The following PRKCE variants were observed in gnomAD, a reference collection of about 807,000 sequenced individuals.
PRKCE encodes the protein protein kinase C epsilon.
Under a neutral mutation model 85.4 loss-of-function variants are expected in PRKCE, and 16 were observed. That is an observed-to-expected ratio of 0.19 (90% confidence interval 0.13 to 0.28). PRKCE has a LOEUF of 0.28. PRKCE is among the 10% of genes least tolerant of loss of function. The pLI, the probability that PRKCE is intolerant of heterozygous loss-of-function variation, is 1.00. For synonymous variants in PRKCE, 388 were observed against 371.5 expected (o/e 1.04, Z -0.51); for missense variants, 573 against 975.2 (o/e 0.59, Z 5.49).
At chr2:45,766,696 T>G (rs1202428633) in intron 1 of PRKCE, among the ~76,000 whole-genome samples, 1 of 152,202 alleles carries the variant, frequency 6.6e-6, no homozygotes, top group Non-Finnish European at 1.5e-5. Context: ...TGAATCATGC[T>G]TCATAGGTGC....
rs1266507468 is a variant in PRKCE at position 45,905,353 on chromosome 2, C to T, written c.412+62290C>T. Among the ~76,000 whole-genome samples, 1 of 152,222 alleles carries T rather than the reference C, an allele frequency of 6.6e-6. No individual in the cohort carries two copies. ...GAACCCTGAATGAGTCCATTAGATT[C>T]CACAATCAATATCCAGCTTCTAAAC... On this transcript the variant is annotated intron_variant, in intron 2 of 14. Transcript: ENST00000306156. This position sits in a 1 kb window ranked among gnomAD's most constrained non-coding sequence, Gnocchi z 4.4.
intron 1 of PRKCE, among the ~76,000 whole-genome samples, chr2:45,702,587 C>A (rs1678736973): frequency 6.6e-6 from 1 of 152,144 alleles, no homozygotes; most frequent in Non-Finnish European, 1.5e-5. Context: ...CAGTTCTGTA[C>A]CTGGTTCCAT....
At chr2:45,767,119 T>G (rs1401589917) in intron 1 of PRKCE, among the ~76,000 whole-genome samples, 3 of 152,214 alleles carry the variant, frequency 2.0e-5, no homozygotes, top group Non-Finnish European at 4.4e-5. Context: ...TCTTTGCGTT[T>G]GCTTCCCGTA....
At chr2:46,144,788 G>A (rs1054780131) in intron 11 of PRKCE, among the ~76,000 whole-genome samples, 1 of 152,206 alleles carries the variant, frequency 6.6e-6, no homozygotes, top group Admixed American at 6.5e-5. Context: ...TCATTAATAT[G>A]AATGTGGGTG....
chr2:45,843,673 G>A (rs1171178542), intron 2 of PRKCE, among the ~76,000 whole-genome samples: 1 of 152,212 alleles, frequency 6.6e-6, no homozygotes, highest in African/African-American at 2.4e-5. Flanking sequence ...AGGGTTTGCT[G>A]GGTGTTGAGG....
At chr2:46,093,343 G>A (rs1019241552) in intron 11 of PRKCE, among the ~76,000 whole-genome samples, 1 of 151,894 alleles carries the variant, frequency 6.6e-6, no homozygotes, top group Admixed American at 6.6e-5. Flanking sequence ...TGTTACTTCA[G>A]TCAAAGATAT....
chr2:45,884,069 C>G (rs1464979522), intron 2 of PRKCE, among the ~76,000 whole-genome samples: 1 of 152,212 alleles, frequency 6.6e-6, no homozygotes, highest in African/African-American at 2.4e-5. Flanking sequence ...CCCTCCCTCC[C>G]TGTTACAGTT....
intron 1 of PRKCE, among the ~76,000 whole-genome samples, chr2:45,713,141 G>A (rs1679806857): frequency 6.6e-6 from 1 of 152,110 alleles, no homozygotes; most frequent in African/African-American, 2.4e-5. Context: ...ATGATCTGTA[G>A]TCGCTGTCAC....
In PRKCE at chr2:45,846,373, G is replaced by C. The variant is rs1472398765; in HGVS notation, c.412+3310G>C. ...CGGCGCCTGACCTGGGGACTGATAG[G>C]TTCTTCTTCCCATGCCTTGCACCTA... On this transcript the variant is annotated intron_variant, in intron 2 of 14. Coordinates refer to ENST00000306156, the MANE Select transcript of PRKCE (RefSeq NM_005400.3). Among the ~76,000 whole-genome samples, 6 of 152,142 alleles carry C rather than the reference G, an allele frequency of 3.9e-5. No individual in the cohort carries two copies. The East Asian group carries it at 1.2e-3, about 29-fold the overall frequency.
At position 46,151,583 on chromosome 2, in the gene PRKCE, C is replaced by A. The variant is rs527706664; in HGVS notation, c.1920+354C>A. ...AGAAGCAACTCAACTGTGCTGACAT[C>A]ACCTCTGCCACTTCCATACCTTCCT... is the stretch of plus-strand genomic sequence containing the variant. On this transcript the variant is annotated intron_variant, in intron 13 of 14. Transcript: ENST00000306156. Among the ~76,000 whole-genome samples, 20 of 152,106 alleles carry A rather than the reference C, an allele frequency of 1.3e-4. No homozygotes were observed. In the East Asian group the frequency reaches 3.7e-3, roughly 28 times the overall value.
intron 11 of PRKCE, among the ~76,000 whole-genome samples, chr2:46,093,127 AT>A (rs1343272180): frequency 6.6e-6 from 1 of 152,188 alleles, no homozygotes; most frequent in East Asian, 1.9e-4. Flanking sequence ...AGAAAATGAT[AT>A]TTTGACATAA....
intron 13 of PRKCE, among the ~76,000 whole-genome samples, chr2:46,156,513 T>C (rs1486211130): frequency 1.3e-5 from 2 of 152,222 alleles, no homozygotes; most frequent in African/African-American, 4.8e-5. Flanking sequence ...GAGACTCATG[T>C]GTGTGCAAAG....
At chr2:46,039,231 G>A (rs1377330019) in intron 10 of PRKCE, among the ~76,000 whole-genome samples, 2 of 152,186 alleles carry the variant, frequency 1.3e-5, no homozygotes, top group Non-Finnish European at 2.9e-5. Flanking sequence ...GATTTGCTAT[G>A]CTTTTAATTA....
chr2:45,913,264 C>T (rs1037301525), intron 2 of PRKCE, among the ~76,000 whole-genome samples: 1 of 152,242 alleles, frequency 6.6e-6, no homozygotes, highest in Non-Finnish European at 1.5e-5. Context: ...CCTCCCACCT[C>T]AGCCTTCTGA....
At chr2:45,805,805 G>A (rs1028923626) in intron 1 of PRKCE, among the ~76,000 whole-genome samples, 2 of 152,072 alleles carry the variant, frequency 1.3e-5, no homozygotes, top group Admixed American at 1.3e-4. Context: ...CACCATGATG[G>A]CCAGGCTGGT....
intron 2 of PRKCE, among the ~76,000 whole-genome samples, chr2:45,866,543 G>A (rs916101261): frequency 5.9e-5 from 9 of 152,072 alleles, no homozygotes; most frequent in African/African-American, 1.7e-4. Flanking sequence ...TCCAGACCTC[G>A]TGATCCACCC....
chr2:45,891,919 C>T (rs886378837), intron 2 of PRKCE, among the ~76,000 whole-genome samples: 3 of 152,214 alleles, frequency 2.0e-5, no homozygotes, highest in Non-Finnish European at 4.4e-5. Context: ...GCTCCCGTCC[C>T]CACGTCTTCC....
intron 14 of PRKCE, among the ~76,000 whole-genome samples, chr2:46,182,015 A>G (rs1419884045): frequency 6.6e-6 from 1 of 152,128 alleles, no homozygotes; most frequent in Non-Finnish European, 1.5e-5. Context: ...GACGTTACAA[A>G]TGGAATATTC....
At chr2:45,717,907 A>G (rs760035767) in intron 1 of PRKCE, among the ~76,000 whole-genome samples, 15 of 152,216 alleles carry the variant, frequency 9.9e-5, no homozygotes, top group Non-Finnish European at 1.5e-4. Context: ...CCCCAGCCCC[A>G]TATTGTACCT....
Sources: allele counts gnomAD v4.1 joint callset (sites outside exome capture counted in the v4.1 genomes callset), GRCh38; gene constraint gnomAD v4.1.1; non-coding constraint Gnocchi (gnomAD v3.1); transcripts MANE v1.5; gene names NCBI Gene and HGNC (gene_info 2026-07-23, HGNC 2026-07-21).